The following PLEKHG5 variants were observed in gnomAD, a reference collection of about 807,000 sequenced individuals.
PLEKHG5 encodes pleckstrin homology and RhoGEF domain containing G5.
Under a neutral mutation model 103.8 loss-of-function variants are expected in PLEKHG5, and 52 were observed. The observed-to-expected ratio is 0.50, with a 90% CI of 0.40 to 0.63. The LOEUF is 0.63. PLEKHG5 is among the 30% of genes least tolerant of loss of function. PLEKHG5 has a pLI of 0.00. For missense variants in PLEKHG5, 1,205 were observed against 1,347.6 expected (o/e 0.89, Z 1.66); for synonymous variants, 592 against 575.5 (o/e 1.03, Z -0.41).
chr1:6,497,374 G>A, upstream of PLEKHG5: 1 of 1,091,696 alleles, frequency 9.2e-7, no homozygotes, highest in South Asian at 4.5e-5. The surrounding 1 kb of genome is among the most constrained non-coding windows in gnomAD (Gnocchi z 6.1). Context: ...GGGGCGCCGG[G>A]GACGCCGGGG....
intron 19 of PLEKHG5, 112 bp from the exon 20 acceptor site, chr1:6,468,698 G>T: frequency 8.5e-7 from 1 of 1,179,952 alleles, no homozygotes; most frequent in Non-Finnish European, 1.2e-6. Flanking sequence ...TGGGGCTGGA[G>T]GCTCAGAGAT....
chr1:6,498,734 G>C (rs924007808), upstream of PLEKHG5, among the ~76,000 whole-genome samples: 2 of 152,166 alleles, frequency 1.3e-5, no homozygotes, highest in Non-Finnish European at 2.9e-5. Context: ...CACAGCCTAC[G>C]GGAACTCTCA....
intron 1 of PLEKHG5, among the ~76,000 whole-genome samples, chr1:6,485,144 C>A (rs1262022288): frequency 2.6e-5 from 4 of 152,294 alleles, no homozygotes; most frequent in Non-Finnish European, 5.9e-5. Flanking sequence ...CCGAGGTCCC[C>A]GTCACCAGGG....
chr1:6,496,114 G>A (rs1256426768), upstream of PLEKHG5, among the ~76,000 whole-genome samples: 3 of 152,208 alleles, frequency 2.0e-5, no homozygotes, highest in East Asian at 3.9e-4. Flanking sequence ...AGTTCAACAG[G>A]AAGGGTGCCA....
At position 6,468,294 on chromosome 1, in the gene PLEKHG5, G is replaced by T. The variant is rs770593694; in HGVS notation, c.2542C>A (p.Arg848=). 4 of 1,609,858 alleles carry T rather than the reference G, an allele frequency of 2.5e-6. No individual in the cohort carries two copies. The highest frequency in any genetic ancestry group is 1.3e-5 in the African/African-American group (1 of 74,908). The change falls in exon 20 of 21, where the codon CGA becomes AGA. Residue 848 remains arginine (R), a synonymous_variant. Transcript: ENST00000377728. ...ELVPRAPESP[R]VPSPPPSPRL... ...GGCGAGGGTGGAGGGGAAGGAACTC[G>T]TGGGGACTCTGGGGCCCGAGGCACT... is the stretch of plus-strand genomic sequence containing the variant.
chr1:6,467,559 C>T lies in PLEKHG5; in HGVS notation c.*4G>A. 1 of 1,613,478 alleles carries T rather than the reference C, an allele frequency of 6.2e-7. No individual in the cohort carries two copies. ...CAATGGCACTCTTGGGGGCCTCCCT[C>T]TGCTCAGACCTCCCTACAGGGTGGG... On this transcript the variant is annotated 3_prime_UTR_variant, in exon 21 of 21. Transcript: ENST00000377728.
At chr1:6,491,724 C>G, upstream of PLEKHG5, 1 of 983,548 alleles carries the variant, frequency 1.0e-6, no homozygotes, top group East Asian at 1.1e-4. The surrounding 1 kb of genome is among the most constrained non-coding windows in gnomAD (Gnocchi z 4.1). Flanking sequence ...TCCACACACG[C>G]ATACCCTGAC....
rs1323652085 is a variant in PLEKHG5 at position 6,504,656 on chromosome 1, ACCTCC to A, written c.-164-8092_-164-8088del. Among the ~76,000 whole-genome samples the A allele has an allele frequency of 8.5e-5, 12 of 142,010 alleles. No homozygotes were observed. The South Asian group carries it at 2.7e-3, about 32-fold the overall frequency. The allele number at this position is 142,010 out of a possible 152,430, so 93.2% of individuals were successfully genotyped here. On this transcript the variant is annotated intron_variant, in intron 1 of 21. Coordinates refer to the PLEKHG5 transcript ENST00000377740. ...ACAATCTTGGCTCACTGCAAACTAC[ACCTCC>A]CGGGTTCACGCCATTCTCCTGCCTC...
chr1:6,517,713 C>G (rs1638662254), intron 1 of PLEKHG5, among the ~76,000 whole-genome samples: 1 of 152,148 alleles, frequency 6.6e-6, no homozygotes, highest in South Asian at 2.1e-4. Flanking sequence ...GTCGGGCCAG[C>G]CATCAGGGAG....
intron 1 of PLEKHG5, among the ~76,000 whole-genome samples, chr1:6,480,223 A>G (rs1644864290): frequency 6.6e-6 from 1 of 151,824 alleles, no homozygotes; most frequent in Non-Finnish European, 1.5e-5. Flanking sequence ...ACAAAACCCC[A>G]TCTCTACTAA....
chr1:6,473,828 G>C lies in PLEKHG5; in HGVS notation c.591+185C>G, dbSNP rs142544613. The stretch of plus-strand genomic sequence containing the variant: ...TCTCAGATACAAGCCCTCACCTTGG[G>C]CTATGGCTAGATCCAGAGAGAGAGG... On this transcript the variant is annotated intron_variant, in intron 7 of 20. Transcript: ENST00000377728. Among the ~76,000 whole-genome samples, 669 of 152,246 alleles carry C rather than the reference G, an allele frequency of 4.4e-3. 5 individuals carry two copies. Among genetic ancestry groups the C allele is most frequent in the African/African-American group, 0.016 (647 of 41,534 alleles).
chr1:6,483,442 A>G (rs1644949067), intron 1 of PLEKHG5, among the ~76,000 whole-genome samples: 1 of 152,162 alleles, frequency 6.6e-6, no homozygotes, highest in African/African-American at 2.4e-5. Context: ...GTCTTAATCT[A>G]TCGTAAAACA....
At position 6,474,004 on chromosome 1, in the gene PLEKHG5, C is replaced by T; in HGVS notation, c.591+9G>A. 1 of 1,579,480 alleles carries T rather than the reference C, an allele frequency of 6.3e-7. No individual in the cohort carries two copies. The highest frequency in any genetic ancestry group is 2.3e-5 in the East Asian group (1 of 43,346). ...CACCCCCTCCCCTGACACACCCCCT[C>T]CTCCTCACCAAGATGTCCAGGCTCT... is the stretch of plus-strand genomic sequence containing the variant. On this transcript the variant is annotated intron_variant, in intron 7 of 20. Transcript: ENST00000377728.
chr1:6,497,561 C>T (rs1645247444), upstream of PLEKHG5: 2 of 153,434 alleles, frequency 1.3e-5, no homozygotes, highest in Admixed American at 1.3e-4. The surrounding 1 kb of genome is among the most constrained non-coding windows in gnomAD (Gnocchi z 6.1). Flanking sequence ...CCGGCCCCTG[C>T]GCGCTGCGGT....
At chr1:6,495,177 G>A (rs1645204801), upstream of PLEKHG5, among the ~76,000 whole-genome samples, 1 of 152,264 alleles carries the variant, frequency 6.6e-6, no homozygotes, top group African/African-American at 2.4e-5. Context: ...GGGAGCTGAG[G>A]CCAATTTGTT....
chr1:6,473,976 T>TACC, intron 7 of PLEKHG5, 37 bp downstream of exon 7: 6 of 1,265,548 alleles, frequency 4.7e-6, no homozygotes, highest in Non-Finnish European at 4.5e-6. Context: ...CTGGGCCCCT[T>TACC]CCCACCCCCT....
At chr1:6,474,270 C>G in intron 6 of PLEKHG5, 106 bp from the exon 7 acceptor site, 1 of 1,409,630 alleles carries the variant, frequency 7.1e-7, no homozygotes, top group Non-Finnish European at 9.8e-7. Context: ...GCCTGCCCTC[C>G]CCCGACAGCC....
chr1:6,471,493 T>G lies in PLEKHG5; in HGVS notation c.1276A>C (p.Lys426Gln). 1.9e-6 allele frequency: 3 copies of G among 1,610,512 alleles called. No homozygotes were observed. The highest frequency in any genetic ancestry group is 2.5e-6 in the Non-Finnish European group (3 of 1,179,074). Residue 426 changes from lysine to glutamine, a missense_variant, in exon 12 of 21, where the codon AAG (lysine) becomes CAG (glutamine). Coordinates refer to ENST00000377728, the MANE Select transcript of PLEKHG5 (RefSeq NM_020631.6). ...GCGCCCGGCCCCGCCCGTACCATCT[T>G]GAAGCCTTTGAGGAAGTCCCCGGGC... The part of the protein sequence containing the change: ...LQPGDFLKGF[K>Q]MFGSLFKPYI...
At position 6,468,620 on chromosome 1, in the gene PLEKHG5, T is replaced by C. The variant is rs1363336115; in HGVS notation, c.2250-34A>G. ...CCAGGAGCAGAGTCAGCCCAGGCCA[T>C]GAAACCTAGATGGCCTGAGGCAGCC... On this transcript the variant is annotated intron_variant, in intron 19 of 20. Transcript: ENST00000377728. 6 of 1,612,048 alleles carry C rather than the reference T, an allele frequency of 3.7e-6. No individual in the cohort carries two copies. In the Admixed American group the frequency reaches 8.3e-5, roughly 22 times the overall value.
Sources: allele counts gnomAD v4.1 joint callset (sites outside exome capture counted in the v4.1 genomes callset), GRCh38; gene constraint gnomAD v4.1.1; non-coding constraint Gnocchi (gnomAD v3.1); transcripts MANE v1.5; gene names NCBI Gene and HGNC (gene_info 2026-07-23, HGNC 2026-07-21).